The following COL4A5 variants were observed in gnomAD, a reference collection of about 807,000 sequenced individuals.
COL4A5 encodes collagen alpha-5(IV) chain.
In COL4A5, 26 loss-of-function variants were observed where a neutral mutation model predicts 130.2. The ratio of observed to expected loss-of-function variants is 0.20; its 90% CI spans 0.15 to 0.28. The LOEUF (loss-of-function observed/expected upper bound fraction) is 0.28, where lower values mean the gene tolerates loss of function less well. Ranked by LOEUF, COL4A5 falls within the 10% of genes least tolerant of loss-of-function variation. The pLI, the probability that COL4A5 is intolerant of heterozygous loss-of-function variation, is 1.00. For synonymous variants in COL4A5, 496 were observed against 439.6 expected, an observed-to-expected ratio of 1.13 and a Z score of -1.60; for missense variants, 1,131 against 1,344.3, an observed-to-expected ratio of 0.84 and a Z score of 2.48.
intron 1 of COL4A5, among the ~76,000 whole-genome samples, chrX:108,443,459 G>A (rs543512840): frequency 3.6e-5 from 4 of 111,598 alleles, no homozygotes; most frequent in African/African-American, 3.3e-5. Context: ...TGAAACAACC[G>A]GGTATGTGTG....
intron 36 of COL4A5, among the ~76,000 whole-genome samples, chrX:108,631,329 G>A (rs769721932): frequency 4.2e-4 from 47 of 110,907 alleles, no homozygotes; most frequent in Admixed American, 5.8e-4. Context: ...CTTTCATTTC[G>A]TTGAGCAGTG....
intron 1 of COL4A5, among the ~76,000 whole-genome samples, chrX:108,531,385 TA>T (rs1472445223): frequency 2.1e-3 from 156 of 75,568 alleles, no homozygotes; most frequent in African/African-American, 5.5e-3. Flanking sequence ...AAATAAAAAA[TA>T]AAATAAATAA....
chrX:108,611,917 T>G (rs1032003520), intron 29 of COL4A5, among the ~76,000 whole-genome samples: 1 of 111,226 alleles, frequency 9.0e-6, no homozygotes, highest in Non-Finnish European at 1.9e-5. Context: ...TATTGGCAAG[T>G]CAAATCTAGC....
rs369541198 is a variant in COL4A5, at chrX:108,468,867, A to G, written c.81+28661A>G. Among the ~76,000 whole-genome samples the G allele has an allele frequency of 2.7e-5, 3 of 110,457 alleles. No homozygotes were observed. In the East Asian group the frequency reaches 8.4e-4, roughly 31 times the overall value. ...GGCTTTCATATCAGAATAAAACTAT[A>G]TTTATAGAATGAGTTAGGTAGTGCT... On this transcript the variant is annotated intron_variant, in intron 1 of 52. Coordinates refer to ENST00000328300, the MANE Select transcript of COL4A5 (RefSeq NM_033380.3).
chrX:108,543,495 G>C (rs146054236), intron 2 of COL4A5, among the ~76,000 whole-genome samples: 3,471 of 111,596 alleles, frequency 0.031, 71 homozygotes, highest in Middle Eastern at 0.083. Flanking sequence ...GTACCATGCT[G>C]TTTTGGTGAC....
intron 1 of COL4A5, among the ~76,000 whole-genome samples, chrX:108,483,434 T>C (rs995972243): frequency 5.4e-5 from 6 of 110,893 alleles, no homozygotes; most frequent in African/African-American, 2.0e-4. Flanking sequence ...TAGGCCAATC[T>C]CTCCTTTTCA....
At chrX:108,465,641 C>T (rs1322057820) in intron 1 of COL4A5, among the ~76,000 whole-genome samples, 1 of 111,582 alleles carries the variant, frequency 9.0e-6, no homozygotes, top group Non-Finnish European at 1.9e-5. Flanking sequence ...CTTTATTGCC[C>T]TTTGCATTAT....
intron 1 of COL4A5, among the ~76,000 whole-genome samples, chrX:108,458,951 G>T (rs1381927580): frequency 9.6e-6 from 1 of 103,807 alleles, no homozygotes; most frequent in Non-Finnish European, 2.0e-5. Flanking sequence ...CTGCACTCCA[G>T]CCTGGGTGAC....
intron 51 of COL4A5, 26 bp from the exon 52 acceptor site, chrX:108,695,241 G>A (rs745945822): frequency 4.1e-6 from 5 of 1,208,976 alleles, no homozygotes; most frequent in South Asian, 1.8e-5. Flanking sequence ...TGGGTATTGC[G>A]GCACATTTTT....
chrX:108,689,251 T>G (rs895798140), intron 49 of COL4A5: 1 of 399,677 alleles, frequency 2.5e-6, no homozygotes, highest in South Asian at 1.3e-4. Context: ...ATTTAATATC[T>G]TCAGGTAATT....
rs745828543 is a variant in COL4A5, at chrX:108,597,459, A to G, written c.1670A>G (p.Lys557Arg). ...GATATCCTCACTTTTCCAGGAATGA[A>G]GGGTGACAAAGGAGAGTTGGGTTCC... Reference protein sequence around the residue: ...PGDILTFPGMKGDKGELGSPG... With the variant: ...PGDILTFPGMRGDKGELGSPG... The change falls in exon 24 of 53, where the codon AAG (lysine) becomes AGG (arginine). Residue 557 changes from lysine to arginine, a missense_variant. Coordinates refer to ENST00000328300, the MANE Select transcript of COL4A5 (RefSeq NM_033380.3). 3 of 1,210,028 alleles carry G rather than the reference A, an allele frequency of 2.5e-6. No homozygotes were observed. In the Admixed American group the frequency reaches 6.5e-5, roughly 26 times the overall value.
intron 49 of COL4A5, among the ~76,000 whole-genome samples, chrX:108,692,072 T>A (rs990834573): frequency 8.9e-6 from 1 of 111,810 alleles, no homozygotes; most frequent in Non-Finnish European, 1.9e-5. Context: ...CTTTCAAAAG[T>A]GTAAGAGAGT....
rs1206626831 is a variant in COL4A5 at position 108,645,509 on chromosome X, C to CT, written c.3247-9809dup. 2.8e-3 allele frequency among the ~76,000 whole-genome samples: 280 copies of CT among 100,983 alleles called. 3 individuals are homozygous for CT. The highest frequency in any genetic ancestry group is 0.022 in the East Asian group (72 of 3,220). 87.7% of individuals were successfully genotyped at this position (100,983 alleles called of 115,157 possible). On this transcript the variant is annotated intron_variant, in intron 36 of 52. Coordinates refer to ENST00000328300, the MANE Select transcript of COL4A5 (RefSeq NM_033380.3). ...TCCTGGAAAAATAAAACCCTCCCAT[C>CT]TTTTTTTTTTTTTACAATTAGTATT...
At position 108,677,644 on chromosome X, in the gene COL4A5, G is replaced by A. The variant is rs769943694; in HGVS notation, c.3942+11G>A. 3 of 1,208,381 alleles carry A rather than the reference G, an allele frequency of 2.5e-6. No homozygotes were observed. The highest frequency in any genetic ancestry group is 4.4e-5 in the Admixed American group (2 of 45,914). On this transcript the variant is annotated intron_variant, in intron 44 of 52. Coordinates refer to ENST00000328300, the MANE Select transcript of COL4A5 (RefSeq NM_033380.3). ...CCACCAGGACTCCAGGTAGGAAATG[G>A]AAGTAGATATCTGATGAGAGAAGAA...
intron 13 of COL4A5, among the ~76,000 whole-genome samples, chrX:108,580,286 G>C (rs1685928195): frequency 1.8e-5 from 2 of 110,871 alleles, no homozygotes; most frequent in Admixed American, 9.6e-5. Context: ...GTCTATTGTT[G>C]CCATCTTTAT....
At chrX:108,659,800 A>C (rs905253790) in intron 37 of COL4A5, among the ~76,000 whole-genome samples, 1 of 111,271 alleles carries the variant, frequency 9.0e-6, no homozygotes, top group African/African-American at 3.2e-5. Flanking sequence ...TTTTTTAGGA[A>C]TAAAATGCAT....
chrX:108,440,075 C>T lies in COL4A5; in HGVS notation c.-51C>T, dbSNP rs1408505073. On this transcript the variant is annotated 5_prime_UTR_variant, in exon 1 of 53. Coordinates refer to ENST00000328300, the MANE Select transcript of COL4A5 (RefSeq NM_033380.3). ...CAAGATTATGTCAATTGGTTAGAGC[C>T]AGCCGGGAATTTCGTGCGGGTGCTG... 2 of 1,010,654 alleles carry T rather than the reference C, an allele frequency of 2.0e-6. No individual in the cohort carries two copies. The highest frequency in any genetic ancestry group is 6.1e-5 in the East Asian group (2 of 32,708). The allele number at this position is 1,010,654 out of a possible 1,213,427, so 83.3% of individuals were successfully genotyped here.
intron 36 of COL4A5, among the ~76,000 whole-genome samples, chrX:108,643,789 A>G (rs2067516748): frequency 8.9e-6 from 1 of 112,045 alleles, no homozygotes; most frequent in Admixed American, 9.5e-5. Flanking sequence ...CATAGGACCT[A>G]CAAAACAAAA....
intron 2 of COL4A5, among the ~76,000 whole-genome samples, chrX:108,552,792 C>G (rs2065771804): frequency 9.0e-6 from 1 of 111,544 alleles, no homozygotes; most frequent in Non-Finnish European, 1.9e-5. Context: ...CAAGCTGATC[C>G]TAAGAGTTAG....
Sources: allele counts gnomAD v4.1 joint callset (sites outside exome capture counted in the v4.1 genomes callset), GRCh38; gene constraint gnomAD v4.1.1; transcripts MANE v1.5; gene names NCBI Gene and HGNC (gene_info 2026-07-23, HGNC 2026-07-21).